The following YTHDC2 variants were observed in gnomAD, a reference collection of about 807,000 sequenced individuals.
YTHDC2 encodes YTH N6-methyladenosine RNA binding protein C2, also known as 3'-5' RNA helicase YTHDC2.
YTHDC2 carries 45 observed loss-of-function variants against 174.9 expected under a neutral mutation model. The ratio of observed to expected loss-of-function variants is 0.26; its 90% CI spans 0.20 to 0.33. YTHDC2 has a LOEUF of 0.33. Ranked by LOEUF, YTHDC2 falls within the 10% of genes least tolerant of loss-of-function variation. The pLI is 1.00. For missense variants in YTHDC2, 1,650 were observed against 1,723.7 expected, an observed-to-expected ratio of 0.96 and a Z score of 0.76; for synonymous variants, 657 against 574.5, an observed-to-expected ratio of 1.14 and a Z score of -2.05.
chr5:113,513,860 G>A lies in YTHDC2; in HGVS notation c.-36G>A, dbSNP rs765016315. ...CATTGGCTGTCAGCTAGCAGGCCTG[G>A]CCGCTCCCGTGCGGAGAGACCATCT... is the stretch of plus-strand genomic sequence containing the variant. On this transcript the variant is annotated 5_prime_UTR_variant, in exon 1 of 30. Coordinates refer to ENST00000161863, the MANE Select transcript of YTHDC2 (RefSeq NM_022828.5). 6.4e-7 allele frequency: 1 copy of A among 1,557,350 alleles called. No homozygotes were observed.
Position 113,534,392 on chromosome 5 carries a change from G to A in YTHDC2, c.930G>A (p.Val310=). 6.2e-7 allele frequency: 1 copy of A among 1,611,056 alleles called. No individual in the cohort carries two copies. Residue 310 remains valine (V), a synonymous_variant, in exon 6 of 30, where the codon GTG becomes GTA. Coordinates refer to ENST00000161863, the MANE Select transcript of YTHDC2 (RefSeq NM_022828.5). ...LMAGDSTLST[V]THVIVDEVHE... ...CAGGAGATAGTACGTTGTCGACTGTGACACATGTTATCGTGGTAAGAATAT... is the reference window on the plus strand; with the variant it reads ...CAGGAGATAGTACGTTGTCGACTGTAACACATGTTATCGTGGTAAGAATAT...
chr5:113,543,898 C>T (rs555169016), intron 10 of YTHDC2, among the ~76,000 whole-genome samples: 1 of 152,214 alleles, frequency 6.6e-6, no homozygotes, highest in Non-Finnish European at 1.5e-5. Context: ...TCTCTGCTTA[C>T]ACATTGCCTT....
rs749914307 is a variant in YTHDC2 at position 113,567,669 on chromosome 5, G to T, written c.3064G>T (p.Gly1022Cys). 2.5e-6 allele frequency: 4 copies of T among 1,600,542 alleles called. No individual in the cohort carries two copies. The highest frequency in any genetic ancestry group is 2.3e-5 in the East Asian group (1 of 44,308). Reference sequence around the variant, plus strand: ...TTCTTAATAGATTCCTCCAGCCAATGGTCAAGCTGCAGCAATTAAGGCACT... The same window carrying T: ...TTCTTAATAGATTCCTCCAGCCAATTGTCAAGCTGCAGCAATTAAGGCACT... ...PQYKKIPPAN[G>C]QAAAIKALPT... is the part of the protein sequence containing the mutation. Residue 1022 changes from glycine (G) to cysteine (C), a missense_variant, in exon 23 of 30, where the codon GGT becomes TGT. This residue lies in a region of YTHDC2 where 913 missense variants were observed against 940.4 expected (regional missense o/e 0.97). Transcript: ENST00000161863.
intron 20 of YTHDC2, among the ~76,000 whole-genome samples, chr5:113,565,564 G>GT (rs1777279277): frequency 6.6e-6 from 1 of 152,192 alleles, no homozygotes; most frequent in Non-Finnish European, 1.5e-5. Flanking sequence ...AGATATAAGT[G>GT]TTAAGAAGTC....
intron 25 of YTHDC2, chr5:113,583,408 C>A (rs1326989337): frequency 6.6e-6 from 1 of 152,092 alleles, no homozygotes; most frequent in Non-Finnish European, 1.5e-5. Context: ...TGTGAGATGT[C>A]CTACATTCTG....
At chr5:113,522,853 C>T (rs1580478615) in intron 2 of YTHDC2, among the ~76,000 whole-genome samples, 1 of 152,042 alleles carries the variant, frequency 6.6e-6, no homozygotes, top group Admixed American at 6.6e-5. Context: ...CAAGTAGACT[C>T]CTTTACTAAA....
intron 18 of YTHDC2, among the ~76,000 whole-genome samples, chr5:113,562,533 G>C (rs536877186): frequency 3.3e-5 from 5 of 152,290 alleles, no homozygotes; most frequent in Admixed American, 3.3e-4. Flanking sequence ...AGCGTAAATT[G>C]CCTGTTCCTG....
At chr5:113,543,527 G>C (rs946325309) in intron 10 of YTHDC2, among the ~76,000 whole-genome samples, 13 of 152,094 alleles carry the variant, frequency 8.5e-5, no homozygotes, top group African/African-American at 3.1e-4. Context: ...CTGGACTATT[G>C]CAGTAGCCCG....
chr5:113,517,597 A>G lies in YTHDC2; in HGVS notation c.278+2235A>G, dbSNP rs538198603. On this transcript the variant is annotated intron_variant, in intron 2 of 29. Transcript: ENST00000161863. ...AAAGAAGAAAAAGGAAAGAGATGCTAAGGGAAGCAAGGCAATCCTGCCTAT... is the reference window on the plus strand; with the variant it reads ...AAAGAAGAAAAAGGAAAGAGATGCTGAGGGAAGCAAGGCAATCCTGCCTAT... 548 of 456,312 alleles carry G rather than the reference A, an allele frequency of 1.2e-3. 3 individuals are homozygous for G. The highest frequency in any genetic ancestry group is 4.4e-3 in the South Asian group (287 of 64,570). 28.3% of individuals were successfully genotyped at this position (456,312 alleles called of 1,614,324 possible). A position where few individuals can be genotyped will look rare whatever the true frequency, so the allele number is the denominator to read the frequency against.
At position 113,545,934 on chromosome 5, in the gene YTHDC2, G is replaced by A. The variant is rs982869860; in HGVS notation, c.1496-2607G>A. 2.6e-4 allele frequency among the ~76,000 whole-genome samples: 17 copies of A among 65,792 alleles called. 7 individuals are homozygous for A. The highest frequency in any genetic ancestry group is 2.4e-3 in the African/African-American group (17 of 7,032). 43.2% of individuals were successfully genotyped at this position (65,792 alleles called of 152,430 possible). A position where few individuals can be genotyped will look rare whatever the true frequency, so the allele number is the denominator to read the frequency against. ...TTTTTGTATTTTTAGTAGAGACGGG[G>A]TTTCACCGTTTTAGCCGGGATGGTC... On this transcript the variant is annotated intron_variant, in intron 10 of 29. Transcript: ENST00000161863.
chr5:113,584,773 CTTTTT>C (rs34217644), intron 26 of YTHDC2, among the ~76,000 whole-genome samples: 2 of 95,734 alleles, frequency 2.1e-5, no homozygotes, highest in South Asian at 3.3e-4. Context: ...CTTTCGAATC[CTTTTT>C]TTTTTTTTTT....
At chr5:113,569,580 G>C (rs1724502272) in intron 23 of YTHDC2, among the ~76,000 whole-genome samples, 1 of 152,254 alleles carries the variant, frequency 6.6e-6, no homozygotes, top group South Asian at 2.1e-4. Flanking sequence ...AGTTCTTTCA[G>C]CACCATTTGT....
chr5:113,521,666 G>A (rs1773866915), intron 2 of YTHDC2, among the ~76,000 whole-genome samples: 1 of 151,564 alleles, frequency 6.6e-6, no homozygotes, highest in Non-Finnish European at 1.5e-5. Flanking sequence ...AGGAGGCGGA[G>A]GTTGCAGTGA....
chr5:113,521,747 A>G (rs545940279), intron 2 of YTHDC2, among the ~76,000 whole-genome samples: 35 of 151,458 alleles, frequency 2.3e-4, no homozygotes, highest in African/African-American at 8.5e-4. Flanking sequence ...AAAAAAAGAA[A>G]AAAAACCCAG....
At chr5:113,522,845 A>G (rs906943312) in intron 2 of YTHDC2, among the ~76,000 whole-genome samples, 3 of 152,172 alleles carry the variant, frequency 2.0e-5, no homozygotes, top group African/African-American at 7.2e-5. Flanking sequence ...TAAAAGCACA[A>G]GTAGACTCCT....
intron 2 of YTHDC2, among the ~76,000 whole-genome samples, chr5:113,523,296 A>C (rs1269131120): frequency 6.6e-6 from 1 of 152,114 alleles, no homozygotes; most frequent in Non-Finnish European, 1.5e-5. Flanking sequence ...AGAGAAGTAA[A>C]ATGATTTGCC....
At chr5:113,572,406 A>G (rs1777783337) in intron 23 of YTHDC2, among the ~76,000 whole-genome samples, 2 of 152,252 alleles carry the variant, frequency 1.3e-5, no homozygotes, top group Non-Finnish European at 2.9e-5. Flanking sequence ...ATTTTAGAAT[A>G]AATGCCATGT....
In YTHDC2 at chr5:113,540,798, TC is replaced by T. The variant is rs201237382; in HGVS notation, c.1211-169del. Among the ~76,000 whole-genome samples the T allele has an allele frequency of 6.5e-3, 997 of 152,362 alleles. 7 individuals are homozygous for T. The highest frequency in any genetic ancestry group is 0.022 in the African/African-American group (928 of 41,582). On this transcript the variant is annotated intron_variant, in intron 8 of 29. Coordinates refer to ENST00000161863, the MANE Select transcript of YTHDC2 (RefSeq NM_022828.5). ...AAGCAGTTTCATGTGTCTTTTTGTT[TC>T]AGCATAACACATTTTTATTGAATAT... is the stretch of plus-strand genomic sequence containing the variant.
At position 113,567,862 on chromosome 5, in the gene YTHDC2, AG is replaced by A. The variant is rs1313518124; in HGVS notation, c.3244+15del. 6.8e-7 allele frequency: 1 copy of A among 1,472,162 alleles called. No homozygotes were observed. Among genetic ancestry groups the A allele is most frequent in the Non-Finnish European group, 9.0e-7 (1 of 1,107,812 alleles). 91.2% of individuals were successfully genotyped at this position (1,472,162 alleles called of 1,614,324 possible). A position where few individuals can be genotyped will look rare whatever the true frequency, so the allele number is the denominator to read the frequency against. On this transcript the variant is annotated intron_variant, in intron 23 of 29. Coordinates refer to ENST00000161863, the MANE Select transcript of YTHDC2 (RefSeq NM_022828.5). ...TCATCCTTTAGAGGTAAATGTATTA[AG>A]GAAATAAAAATCTATTTGAAATGAA...
Sources: allele counts gnomAD v4.1 joint callset (sites outside exome capture counted in the v4.1 genomes callset), GRCh38; gene constraint gnomAD v4.1.1; regional missense constraint gnomAD v4.1.1; transcripts MANE v1.5; gene names NCBI Gene and HGNC (gene_info 2026-07-23, HGNC 2026-07-21).